MDGA2: variants seen among roughly 807,000 people sequenced by gnomAD.
The protein encoded by MDGA2 is MAM domain containing glycosylphosphatidylinositol anchor 2, also known as MAM domain-containing glycosylphosphatidylinositol anchor protein 2.
MDGA2 carries 40 observed loss-of-function variants against 117.8 expected under a neutral mutation model. That is an observed-to-expected ratio of 0.34 (90% CI 0.26 to 0.44). MDGA2 has a LOEUF of 0.44. MDGA2 is among the 20% of genes least tolerant of loss of function. The probability of loss-of-function intolerance (pLI) is 1.00; values close to 1 mark genes in which losing one functional copy is unlikely to be tolerated. For missense variants in MDGA2, 1,123 were observed against 1,250.6 expected, an observed-to-expected ratio of 0.90 and a Z score of 1.54; for synonymous variants, 452 against 439.0, an observed-to-expected ratio of 1.03 and a Z score of -0.37.
At chr14:47,252,028 C>T (rs1887464777) in intron 2 of MDGA2, among the ~76,000 whole-genome samples, 2 of 151,954 alleles carry the variant, frequency 1.3e-5, no homozygotes, top group Non-Finnish European at 2.9e-5. Context: ...TGACCTTTCC[C>T]TCACCCCAGC....
intron 1 of MDGA2, among the ~76,000 whole-genome samples, chr14:47,352,817 A>T (rs1285220614): frequency 6.6e-6 from 1 of 152,182 alleles, no homozygotes; most frequent in Non-Finnish European, 1.5e-5. Context: ...TTACTTTACA[A>T]TGCTTCATGC....
intron 1 of MDGA2, among the ~76,000 whole-genome samples, chr14:47,651,480 GGA>G (rs1897643459): frequency 6.6e-6 from 1 of 152,114 alleles, no homozygotes; most frequent in South Asian, 2.1e-4. Flanking sequence ...GGCCATATCT[GGA>G]GTGTGTGAGA....
chr14:46,898,528 C>T lies in MDGA2; in HGVS notation c.2239-16307G>A, dbSNP rs536036976. On this transcript the variant is annotated intron_variant, in intron 10 of 16. Coordinates refer to ENST00000399232, the MANE Select transcript of MDGA2 (RefSeq NM_001113498.3). ...TAGAAGCATTAAGTTTGGGAGGCCACTGAGATATCCAAGTACAGGTTTTTC... is the reference window on the plus strand; with the variant it reads ...TAGAAGCATTAAGTTTGGGAGGCCATTGAGATATCCAAGTACAGGTTTTTC... 1.2e-4 allele frequency among the ~76,000 whole-genome samples: 18 copies of T among 152,138 alleles called. No homozygotes were observed. The East Asian group carries it at 3.3e-3, about 28-fold the overall frequency.
At chr14:47,372,457 A>AATTCTTTTCCTTTGCCCTTTTTCT (rs1891383312) in intron 1 of MDGA2, among the ~76,000 whole-genome samples, 1 of 151,952 alleles carries the variant, frequency 6.6e-6, no homozygotes, top group Non-Finnish European at 1.5e-5. Flanking sequence ...TTAAATTGCT[A>AATTCTTTTCCTTTGCCCTTTTTCT]ATCAACATAT....
Position 47,463,610 on chromosome 14 carries a change from T to C in MDGA2, c.281-162060A>G, listed in dbSNP as rs111397751. Among the ~76,000 whole-genome samples the C allele has an allele frequency of 9.9e-5, 15 of 152,096 alleles. 1 individual carries two copies. Among genetic ancestry groups the C allele is most frequent in the African/African-American group, 3.4e-4 (14 of 41,498 alleles). ...AGGAGAACTTTGAAAAATGAGAAAA[T>C]TCACATATGTAAAGAGAGGGGTAGG... On this transcript the variant is annotated intron_variant, in intron 1 of 16. Coordinates refer to ENST00000399232, the MANE Select transcript of MDGA2 (RefSeq NM_001113498.3).
chr14:47,170,885 C>T lies in MDGA2; in HGVS notation c.596-26611G>A, dbSNP rs1033475640. The stretch of plus-strand genomic sequence containing the variant: ...AGAAGAATATTTTTTAAGTTAACGA[C>T]GTGAACAAAAGGATGTGATTTTTTA... On this transcript the variant is annotated intron_variant, in intron 3 of 16. Transcript: ENST00000399232. 1.1e-4 allele frequency among the ~76,000 whole-genome samples: 17 copies of T among 152,148 alleles called. No individual in the cohort carries two copies. In the East Asian group the frequency reaches 2.1e-3, roughly 19 times the overall value.
At chr14:47,418,009 G>A (rs1165336665) in intron 1 of MDGA2, among the ~76,000 whole-genome samples, 1 of 151,924 alleles carries the variant, frequency 6.6e-6, no homozygotes, top group East Asian at 1.9e-4. Context: ...CACTGCACCT[G>A]GACGAGTACA....
At chr14:47,034,759 CA>C in intron 8 of MDGA2, among the ~76,000 whole-genome samples, 1 of 151,836 alleles carries the variant, frequency 6.6e-6, no homozygotes, top group East Asian at 1.9e-4. Context: ...CACACACACA[CA>C]CACACACACT....
At chr14:47,483,533 AT>A (rs1252214668) in intron 1 of MDGA2, among the ~76,000 whole-genome samples, 1 of 152,118 alleles carries the variant, frequency 6.6e-6, no homozygotes, top group Admixed American at 6.6e-5. Context: ...GAGACCTTAC[AT>A]TTCCAACAGT....
At chr14:47,291,327 A>C (rs564451965) in intron 2 of MDGA2, among the ~76,000 whole-genome samples, 29 of 152,310 alleles carry the variant, frequency 1.9e-4, no homozygotes, top group African/African-American at 7.0e-4. Flanking sequence ...GTGAAGAGCA[A>C]CAACTTTTAC....
chr14:47,668,486 A>G (rs144787970), intron 1 of MDGA2, among the ~76,000 whole-genome samples: 2,318 of 152,336 alleles, frequency 0.015, 24 homozygotes, highest in Middle Eastern at 0.092. Context: ...ATTTAATGAT[A>G]TCTTAAAGTC....
chr14:46,915,080 T>G (rs976324497), intron 10 of MDGA2, among the ~76,000 whole-genome samples: 1 of 152,156 alleles, frequency 6.6e-6, no homozygotes, highest in Non-Finnish European at 1.5e-5. Flanking sequence ...GTTTACTATG[T>G]TCAAAAGCTC....
chr14:47,136,317 C>T (rs1231218655), intron 4 of MDGA2, among the ~76,000 whole-genome samples: 2 of 151,852 alleles, frequency 1.3e-5, no homozygotes, highest in Non-Finnish European at 2.9e-5. Context: ...ATGCTTCAGC[C>T]TCCCAAGTAG....
At chr14:47,120,636 A>G (rs562232589) in intron 5 of MDGA2, among the ~76,000 whole-genome samples, 1 of 152,302 alleles carries the variant, frequency 6.6e-6, no homozygotes, top group Admixed American at 6.5e-5. Flanking sequence ...AACAGCTGAA[A>G]TTACTGTGAT....
Position 47,302,667 on chromosome 14 carries a change from C to A in MDGA2, c.281-1117G>T, listed in dbSNP as rs1594783462. On this transcript the variant is annotated intron_variant, in intron 1 of 16. Transcript: ENST00000399232. ...GAATTTTAAAATAAATTTGGTGATT[C>A]TATGGAAGAAAAAAAGATTATAAGG... 2.6e-5 allele frequency among the ~76,000 whole-genome samples: 4 copies of A among 151,756 alleles called. No homozygotes were observed. In the Middle Eastern group the frequency reaches 0.014, roughly 520 times the overall value.
intron 14 of MDGA2, among the ~76,000 whole-genome samples, chr14:46,869,213 T>C (rs1362706007): frequency 2.0e-5 from 3 of 152,060 alleles, no homozygotes; most frequent in Non-Finnish European, 4.4e-5. Context: ...TCAAGTACAA[T>C]GAATGTATTC....
At chr14:47,255,148 AAGAAAAC>A (rs1887576140) in intron 2 of MDGA2, among the ~76,000 whole-genome samples, 1 of 152,222 alleles carries the variant, frequency 6.6e-6, no homozygotes, top group African/African-American at 2.4e-5. Flanking sequence ...TTAATTTTGC[AAGAAAAC>A]AGAAAACAGA....
chr14:47,216,373 C>T (rs1886089434), intron 3 of MDGA2, among the ~76,000 whole-genome samples: 1 of 151,926 alleles, frequency 6.6e-6, no homozygotes, highest in Non-Finnish European at 1.5e-5. Flanking sequence ...GTATACATGC[C>T]ATCTATTACA....
At chr14:47,102,449 C>A (rs1880392604) in intron 5 of MDGA2, among the ~76,000 whole-genome samples, 1 of 151,480 alleles carries the variant, frequency 6.6e-6, no homozygotes, top group Admixed American at 6.6e-5. Context: ...GAATAAACGC[C>A]AATTTTAAAA....
Sources: allele counts gnomAD v4.1 joint callset (sites outside exome capture counted in the v4.1 genomes callset), GRCh38; gene constraint gnomAD v4.1.1; transcripts MANE v1.5; gene names NCBI Gene and HGNC (gene_info 2026-07-23, HGNC 2026-07-21).